The following FAM78B variants were observed in gnomAD, a reference collection of about 807,000 sequenced individuals.
FAM78B encodes protein FAM78B.
In FAM78B, 10 loss-of-function variants were observed where a neutral mutation model predicts 20.0. That is an observed-to-expected ratio of 0.50 (90% confidence interval 0.31 to 0.85). The LOEUF (loss-of-function observed/expected upper bound fraction) is 0.85. FAM78B is among the 40% of genes least tolerant of loss of function. The probability of loss-of-function intolerance (pLI) is 0.05; values close to 1 mark genes in which losing one functional copy is unlikely to be tolerated. For missense variants in FAM78B, 283 were observed against 345.0 expected, an observed-to-expected ratio of 0.82 and a Z score of 1.42; for synonymous variants, 135 against 132.8, an observed-to-expected ratio of 1.02 and a Z score of -0.12.
intron 1 of FAM78B, among the ~76,000 whole-genome samples, chr1:166,144,375 C>CA (rs1157866122): frequency 6.6e-6 from 1 of 152,056 alleles, no homozygotes; most frequent in Non-Finnish European, 1.5e-5. Flanking sequence ...CAACAGATGG[C>CA]AATACATTTG....
chr1:166,067,675 G>T (rs967408739), downstream of FAM78B, among the ~76,000 whole-genome samples: 1 of 152,160 alleles, frequency 6.6e-6, no homozygotes, highest in African/African-American at 2.4e-5. Context: ...TAAAACAACA[G>T]TAACTTGAAA....
At chr1:166,109,947 G>A (rs1185297539) in intron 1 of FAM78B, among the ~76,000 whole-genome samples, 2 of 131,206 alleles carry the variant, frequency 1.5e-5, no homozygotes, top group South Asian at 2.5e-4. Flanking sequence ...ACATAAAAGG[G>A]AATGAATTAA....
intron 1 of FAM78B, among the ~76,000 whole-genome samples, chr1:166,157,052 C>A (rs1401491221): frequency 7.8e-6 from 1 of 127,810 alleles, no homozygotes; most frequent in Non-Finnish European, 1.7e-5. Context: ...GGGGGGGGCT[C>A]CAATGCCTTC....
chr1:166,070,862 C>A (rs1651999919), intron 1 of FAM78B, 99 bp from the exon 2 acceptor site: 1 of 1,332,606 alleles, frequency 7.5e-7, no homozygotes. Flanking sequence ...TCAACTTGGG[C>A]AAAATGGGAA....
At chr1:166,096,981 G>C (rs926226110) in intron 1 of FAM78B, among the ~76,000 whole-genome samples, 1 of 152,180 alleles carries the variant, frequency 6.6e-6, no homozygotes, top group African/African-American at 2.4e-5. Context: ...AGGACGCACA[G>C]ACCCTCTGAA....
At chr1:166,095,280 C>T (rs976309213) in intron 1 of FAM78B, among the ~76,000 whole-genome samples, 5 of 152,008 alleles carry the variant, frequency 3.3e-5, no homozygotes, top group Admixed American at 6.6e-5. Context: ...GCAGCAGCCC[C>T]GCAAGAGCAG....
At chr1:166,141,404 T>C (rs896325908) in intron 1 of FAM78B, among the ~76,000 whole-genome samples, 10 of 152,322 alleles carry the variant, frequency 6.6e-5, no homozygotes, top group African/African-American at 1.9e-4. Flanking sequence ...ATCTTTATCA[T>C]AGAGATCATT....
At chr1:166,072,349 T>C (rs932646291) in intron 1 of FAM78B, among the ~76,000 whole-genome samples, 1 of 152,200 alleles carries the variant, frequency 6.6e-6, no homozygotes, top group Non-Finnish European at 1.5e-5. Context: ...GCCTTTTTTC[T>C]TGTCATGCCC....
At chr1:166,067,942 C>T (rs1206531258), downstream of FAM78B, among the ~76,000 whole-genome samples, 1 of 152,168 alleles carries the variant, frequency 6.6e-6, no homozygotes, top group Non-Finnish European at 1.5e-5. Flanking sequence ...TATGCTACAC[C>T]TTGCTTTAGA....
intron 1 of FAM78B, among the ~76,000 whole-genome samples, chr1:166,140,869 C>T (rs1411546087): frequency 6.6e-6 from 1 of 152,174 alleles, no homozygotes; most frequent in Admixed American, 6.5e-5. Context: ...GGGGCAGCAG[C>T]AGAAGCTGCT....
intron 1 of FAM78B, among the ~76,000 whole-genome samples, chr1:166,095,158 A>C (rs759267669): frequency 1.3e-5 from 2 of 152,134 alleles, no homozygotes; most frequent in Non-Finnish European, 2.9e-5. Context: ...CCCTGCCCTC[A>C]GAGGCTTGGA....
At chr1:166,080,737 A>C (rs1571142578) in intron 1 of FAM78B, among the ~76,000 whole-genome samples, 2 of 152,232 alleles carry the variant, frequency 1.3e-5, no homozygotes, top group African/African-American at 2.4e-5. Context: ...ATGTGCTCCC[A>C]GTCACGTGAG....
intron 1 of FAM78B, among the ~76,000 whole-genome samples, chr1:166,122,828 C>T (rs1216677135): frequency 6.6e-6 from 1 of 152,128 alleles, no homozygotes; most frequent in African/African-American, 2.4e-5. Flanking sequence ...CTTCTTTGGC[C>T]ATTTCCACCT....
chr1:166,165,338 T>C (rs1170502012), intron 1 of FAM78B, among the ~76,000 whole-genome samples: 1 of 152,130 alleles, frequency 6.6e-6, no homozygotes, highest in Admixed American at 6.5e-5. Context: ...CGGGACGCAC[T>C]CGGTGCCTTC....
intron 1 of FAM78B, among the ~76,000 whole-genome samples, chr1:166,124,004 A>C (rs979436123): frequency 8.5e-5 from 13 of 152,252 alleles, no homozygotes; most frequent in African/African-American, 3.1e-4. Context: ...TGCAGAAGCC[A>C]GGAGAAGGTG....
chr1:166,108,837 A>G (rs1411541679), intron 1 of FAM78B, among the ~76,000 whole-genome samples: 2 of 152,224 alleles, frequency 1.3e-5, no homozygotes, highest in Admixed American at 1.3e-4. Flanking sequence ...AACAAAATAG[A>G]GAACCCAGAA....
intron 1 of FAM78B, among the ~76,000 whole-genome samples, chr1:166,114,402 C>T (rs1169875199): frequency 2.6e-5 from 4 of 152,162 alleles, no homozygotes; most frequent in Non-Finnish European, 4.4e-5. Flanking sequence ...TAATTTTGAT[C>T]CAGTTTGGAA....
At chr1:166,066,284 CCT>C (rs1651793983), downstream of FAM78B, among the ~76,000 whole-genome samples, 2 of 152,318 alleles carry the variant, frequency 1.3e-5, no homozygotes, top group East Asian at 1.9e-4. Flanking sequence ...CACTGCAGCC[CCT>C]GTCAGGCATT....
Position 166,166,290 on chromosome 1 carries a change from G to A in FAM78B, c.-42C>T. ...GGCACGGCGCGGCGTGGGGCAGCGCGGGGGCCCGCGCGGGCAGCCGGGGGC... is the reference window on the plus strand; with the variant it reads ...GGCACGGCGCGGCGTGGGGCAGCGCAGGGGCCCGCGCGGGCAGCCGGGGGC... On this transcript the variant is annotated 5_prime_UTR_variant, in exon 1 of 2. Transcript: ENST00000354422. 1 of 1,205,226 alleles carries A rather than the reference G, an allele frequency of 8.3e-7. No individual in the cohort carries two copies. The highest frequency in any genetic ancestry group is 1.0e-6 in the Non-Finnish European group (1 of 970,104). 74.7% of individuals were successfully genotyped at this position (1,205,226 alleles called of 1,614,324 possible).
Sources: gnomAD v4.1 joint callset for allele counts (sites outside exome capture counted in the v4.1 genomes callset) on GRCh38, gnomAD v4.1.1 for gene constraint, MANE v1.5 for transcripts, NCBI Gene and HGNC (gene_info 2026-07-23, HGNC 2026-07-21) for gene names.